EEPD1: variants seen among roughly 807,000 people sequenced by gnomAD.
The protein encoded by EEPD1 is endonuclease/exonuclease/phosphatase family domain-containing protein 1.
EEPD1 carries 17 observed loss-of-function variants against 46.3 expected under a neutral mutation model. The ratio of observed to expected loss-of-function variants is 0.37; its 90% CI spans 0.25 to 0.55. The LOEUF (loss-of-function observed/expected upper bound fraction) is 0.55, where lower values mean the gene tolerates loss of function less well. EEPD1 is among the 20% of genes least tolerant of loss of function. EEPD1 has a pLI of 0.83. For synonymous variants in EEPD1, 313 were observed against 315.6 expected (o/e 0.99, Z 0.09); for missense variants, 673 against 745.6 (o/e 0.90, Z 1.13).
chr7:36,196,824 C>G (rs5755155), intron 2 of EEPD1, among the ~76,000 whole-genome samples: 2 of 151,678 alleles, frequency 1.3e-5, no homozygotes, highest in Non-Finnish European at 2.9e-5. Flanking sequence ...AGCCTCTGCC[C>G]GGCCGCCACC....
intron 3 of EEPD1, among the ~76,000 whole-genome samples, chr7:36,248,514 C>CTT (rs35722763): frequency 3.9e-5 from 5 of 126,770 alleles, no homozygotes; most frequent in East Asian, 4.6e-4. Context: ...GCCAGATACT[C>CTT]TTTTTTTTTT....
chr7:36,290,979 C>T (rs917262553), intron 6 of EEPD1, among the ~76,000 whole-genome samples: 1 of 152,126 alleles, frequency 6.6e-6, no homozygotes, highest in African/African-American at 2.4e-5. Flanking sequence ...CGGATTCAAT[C>T]GGAAGAACAT....
chr7:36,239,340 A>G (rs74459674), intron 3 of EEPD1, among the ~76,000 whole-genome samples: 1 of 152,222 alleles, frequency 6.6e-6, no homozygotes, highest in African/African-American at 2.4e-5. Context: ...TTCAGCCATT[A>G]GGAGCCAGAG....
intron 2 of EEPD1, among the ~76,000 whole-genome samples, chr7:36,226,484 C>T (rs867189840): frequency 2.0e-5 from 3 of 152,140 alleles, no homozygotes; most frequent in African/African-American, 7.2e-5. Context: ...TTGTTTCCTA[C>T]ATTAATATGA....
chr7:36,206,708 C>G (rs1029587965), intron 2 of EEPD1, among the ~76,000 whole-genome samples: 4 of 152,168 alleles, frequency 2.6e-5, no homozygotes, highest in African/African-American at 9.7e-5. Context: ...TTTCACAGGC[C>G]CTTCCAGTTA....
At chr7:36,184,267 A>C (rs1402579405) in intron 2 of EEPD1, among the ~76,000 whole-genome samples, 3 of 152,152 alleles carry the variant, frequency 2.0e-5, no homozygotes, top group Admixed American at 6.5e-5. Flanking sequence ...TTTTTCTACC[A>C]CTAAAAAAAA....
At chr7:36,283,418 C>T (rs536054795) in intron 4 of EEPD1, among the ~76,000 whole-genome samples, 8 of 152,178 alleles carry the variant, frequency 5.3e-5, no homozygotes, top group South Asian at 4.2e-4. Context: ...GGCTTTTGGG[C>T]GGAAGATGAC....
At position 36,154,389 on chromosome 7, in the gene EEPD1, G is replaced by T; in HGVS notation, c.65G>T (p.Arg22Leu). The T allele has an allele frequency of 6.2e-7, 1 of 1,613,924 alleles. No individual in the cohort carries two copies. Among genetic ancestry groups the T allele is most frequent in the East Asian group, 2.2e-5 (1 of 44,880 alleles). ...GACCCCTCGGACCTGTCCCATAGCCGCAAGTTCAGCGCAGCCTGTAACTTC... is the reference window on the plus strand; with the variant it reads ...GACCCCTCGGACCTGTCCCATAGCCTCAAGTTCAGCGCAGCCTGTAACTTC... ...PRDPSDLSHS[R>L]KFSAACNFSN... Residue 22 changes from arginine to leucine, a missense_variant, in exon 2 of 8, where the codon CGC becomes CTC. Coordinates refer to ENST00000242108, the MANE Select transcript of EEPD1 (RefSeq NM_030636.3). The surrounding 1 kb of genome is among the most constrained non-coding windows in gnomAD (Gnocchi z 4.2).
At chr7:36,197,795 C>T (rs1253142536) in intron 2 of EEPD1, among the ~76,000 whole-genome samples, 2 of 151,978 alleles carry the variant, frequency 1.3e-5, no homozygotes, top group East Asian at 3.9e-4. Context: ...AAACCAGAGA[C>T]CTTTGTTCAC....
intron 2 of EEPD1, among the ~76,000 whole-genome samples, chr7:36,155,848 C>T (rs1784816517): frequency 6.6e-6 from 1 of 152,108 alleles, no homozygotes; most frequent in Admixed American, 6.5e-5. Flanking sequence ...CGGATTTTCC[C>T]CATTTAAACC....
Position 36,298,801 on chromosome 7 carries a change from AACTCTCC to A in EEPD1, c.1511-205_1511-199del, listed in dbSNP as rs1488426856. On this transcript the variant is annotated intron_variant, in intron 7 of 7. Coordinates refer to ENST00000242108, the MANE Select transcript of EEPD1 (RefSeq NM_030636.3). ...GGTGTTTTCACTGCCTAAATGCAGA[AACTCTCC>A]TTTATGTGGAAAATCAAACTGGCCG... is the stretch of plus-strand genomic sequence containing the variant. Among the ~76,000 whole-genome samples the A allele has an allele frequency of 2.0e-5, 3 of 152,338 alleles. No individual in the cohort carries two copies. The East Asian group carries it at 5.8e-4, about 29-fold the overall frequency.
chr7:36,299,396 G>A lies in EEPD1; in HGVS notation c.*190G>A, dbSNP rs892435152. The A allele has an allele frequency of 6.3e-5, 44 of 698,882 alleles. No homozygotes were observed. The highest frequency in any genetic ancestry group is 9.0e-5 in the African/African-American group (5 of 55,704). The allele number at this position is 698,882 out of a possible 1,614,324, so 43.3% of individuals were successfully genotyped here. On this transcript the variant is annotated 3_prime_UTR_variant, in exon 8 of 8. Coordinates refer to ENST00000242108, the MANE Select transcript of EEPD1 (RefSeq NM_030636.3). Reference sequence around the variant, plus strand: ...CCAGTGGGGGTGGCGTGCCAGGCGCGTACCCCACCAGGTGGGCAAAGCAGA... The same window carrying A: ...CCAGTGGGGGTGGCGTGCCAGGCGCATACCCCACCAGGTGGGCAAAGCAGA...
intron 6 of EEPD1, 103 bp from the exon 7 acceptor site, chr7:36,296,890 G>T (rs1238832667): frequency 3.4e-6 from 4 of 1,169,626 alleles, no homozygotes; most frequent in Non-Finnish European, 4.9e-6. Context: ...AACCCCATGG[G>T]AGTCAAGTCA....
Position 36,175,987 on chromosome 7 carries a change from G to T in EEPD1, c.878+20785G>T, listed in dbSNP as rs185235792. Reference sequence around the variant, plus strand: ...TCTCTGGGAGAGCTGAGAGGCTGCAGGCTGTGGCGTGGGCCCTTTCAGCCC... The same window carrying T: ...TCTCTGGGAGAGCTGAGAGGCTGCATGCTGTGGCGTGGGCCCTTTCAGCCC... On this transcript the variant is annotated intron_variant, in intron 2 of 7. Coordinates refer to ENST00000242108, the MANE Select transcript of EEPD1 (RefSeq NM_030636.3). 4.2e-3 allele frequency among the ~76,000 whole-genome samples: 645 copies of T among 152,342 alleles called. 7 individuals carry two copies. The highest frequency in any genetic ancestry group is 0.015 in the African/African-American group (622 of 41,586).
intron 2 of EEPD1, among the ~76,000 whole-genome samples, chr7:36,177,295 G>C (rs974161356): frequency 1.3e-5 from 2 of 151,948 alleles, no homozygotes; most frequent in Non-Finnish European, 2.9e-5. Flanking sequence ...TTAGATTCAG[G>C]GGGTGCATGT....
chr7:36,296,868 T>C (rs1787533484), intron 6 of EEPD1, 125 bp from the exon 7 acceptor site: 5 of 855,356 alleles, frequency 5.8e-6, no homozygotes, highest in East Asian at 5.3e-5. Flanking sequence ...GTGAGAACCA[T>C]GCCACAGTAC....
intron 2 of EEPD1, among the ~76,000 whole-genome samples, chr7:36,208,897 T>C (rs1785872196): frequency 1.3e-5 from 2 of 152,176 alleles, no homozygotes; most frequent in Non-Finnish European, 1.5e-5. Context: ...AAATGAGGAT[T>C]CAAACGGGGT....
chr7:36,220,276 G>A (rs1001271687), intron 2 of EEPD1, among the ~76,000 whole-genome samples: 3 of 152,256 alleles, frequency 2.0e-5, no homozygotes, highest in African/African-American at 4.8e-5. Flanking sequence ...ATTTTATTGA[G>A]CAGATGGCTC....
At chr7:36,168,837 A>G (rs1456755688) in intron 2 of EEPD1, among the ~76,000 whole-genome samples, 1 of 151,372 alleles carries the variant, frequency 6.6e-6, no homozygotes, top group East Asian at 1.9e-4. Context: ...AGACAGATTT[A>G]ACTGGGGGTA....
Sources: gnomAD v4.1 joint callset for allele counts (sites outside exome capture counted in the v4.1 genomes callset) on GRCh38, gnomAD v4.1.1 for gene constraint, Gnocchi (gnomAD v3.1) non-coding constraint, MANE v1.5 for transcripts, NCBI Gene and HGNC (gene_info 2026-07-23, HGNC 2026-07-21) for gene names.